BTG2: variants seen among roughly 807,000 people sequenced by gnomAD.
BTG2 encodes the protein BTG anti-proliferation factor 2.
In BTG2, 9 loss-of-function variants were observed where a neutral mutation model predicts 13.1. The ratio of observed to expected loss-of-function variants is 0.69; its 90% CI spans 0.41 to 1.20. BTG2 has a LOEUF of 1.20. Ranked by LOEUF, BTG2 falls within the 50% of genes most tolerant of loss-of-function variation. The pLI is 0.00. For missense variants in BTG2, 200 were observed against 209.5 expected (o/e 0.95, Z 0.28); for synonymous variants, 92 against 88.6 (o/e 1.04, Z -0.21).
At chr1:203,305,975 A>C in intron 1 of BTG2, among the ~76,000 whole-genome samples, 1 of 150,290 alleles carries the variant, frequency 6.7e-6, no homozygotes, top group South Asian at 2.1e-4. Context: ...GCGCCCCTCT[A>C]CGCTCTCGGA....
In BTG2 at chr1:203,305,762, G is replaced by T; in HGVS notation, c.142+14G>T. On this transcript the variant is annotated intron_variant, in intron 1 of 1. Coordinates refer to ENST00000290551, the MANE Select transcript of BTG2 (RefSeq NM_006763.3). ...AGGCACTCACAGGTGAGCGCATGCC[G>T]AGGGGCCTGGCGCCACCGGGGGTCG... 6.5e-7 allele frequency: 1 copy of T among 1,541,324 alleles called. No homozygotes were observed. The highest frequency in any genetic ancestry group is 1.4e-5 in the African/African-American group (1 of 72,502).
chr1:203,306,277 A>G (rs1658270073), intron 1 of BTG2, among the ~76,000 whole-genome samples: 1 of 151,878 alleles, frequency 6.6e-6, no homozygotes, highest in African/African-American at 2.4e-5. Context: ...CCTTTGTGTT[A>G]TCTTTGGTTC....
Position 203,307,321 on chromosome 1 carries a change from C to A in BTG2, c.360C>A (p.Cys120Ter), listed in dbSNP as rs139728405. 4 of 1,613,996 alleles carry A rather than the reference C, an allele frequency of 2.5e-6. No homozygotes were observed. The African/African-American group carries it at 5.3e-5, about 22-fold the overall frequency. ...GCATTGGGGAGGACGGCTCCATCTG[C>A]GTCTTGTACGAGGAGGCCCCACTGG... The part of the protein sequence containing the change: ...SYRIGEDGSI[C>*]VLYEEAPLAA... The change falls in exon 2 of 2, where the codon TGC becomes TGA. Residue 120 changes from cysteine to a stop codon, truncating the protein, a stop_gained. Coordinates refer to ENST00000290551, the MANE Select transcript of BTG2 (RefSeq NM_006763.3). LOFTEE classifies it high-confidence loss of function.
intron 1 of BTG2, among the ~76,000 whole-genome samples, chr1:203,306,304 A>T (rs1390709967): frequency 1.3e-5 from 2 of 151,840 alleles, no homozygotes; most frequent in Non-Finnish European, 2.9e-5. Flanking sequence ...GCCATCTGCC[A>T]CCTATTGTGG....
chr1:203,307,259 C>G lies in BTG2; in HGVS notation c.298C>G (p.Leu100Val), dbSNP rs1270165297. The change falls in exon 2 of 2, where the codon CTG becomes GTG. Residue 100 changes from leucine (L) to valine (V), a missense_variant. Leu to Val is a conservative substitution (Grantham distance 32). Coordinates refer to ENST00000290551, the MANE Select transcript of BTG2 (RefSeq NM_006763.3). ...GCTGCACCAGCTGCTGCCCAGCGAG[C>G]TGACCCTGTGGGTGGACCCCTATGA... Reference protein sequence around the residue: ...PQLHQLLPSELTLWVDPYEVS... With the variant: ...PQLHQLLPSEVTLWVDPYEVS... 1 of 1,614,236 alleles carries G rather than the reference C, an allele frequency of 6.2e-7. No homozygotes were observed. The highest frequency in any genetic ancestry group is 1.1e-5 in the South Asian group (1 of 91,092).
chr1:203,305,674 T>G lies in BTG2; in HGVS notation c.68T>G (p.Leu23Arg). The G allele has an allele frequency of 6.4e-7, 1 of 1,570,580 alleles. No individual in the cohort carries two copies. The highest frequency in any genetic ancestry group is 8.6e-7 in the Non-Finnish European group (1 of 1,158,112). Residue 23 changes from leucine (L) to arginine (R), a missense_variant, in exon 1 of 2, where the codon CTC becomes CGC. Physicochemically the swap from Leu to Arg is moderately radical, Grantham distance 102 (BLOSUM62 -2). Coordinates refer to ENST00000290551, the MANE Select transcript of BTG2 (RefSeq NM_006763.3). ...IAAAVGFLSS[L>R]LRTRGCVSEQ... ...GCCGCCGTGGGCTTCCTCTCCAGCC[T>G]CCTGAGGACCCGGGGCTGCGTGAGC... is the stretch of plus-strand genomic sequence containing the variant.
At chr1:203,305,828 G>T (rs528334481) in intron 1 of BTG2, 80 bp downstream of exon 1, 4 of 1,488,916 alleles carry the variant, frequency 2.7e-6, no homozygotes, top group African/African-American at 2.9e-5. Context: ...TACTCCTGCG[G>T]CAGGGTGACC....
At chr1:203,307,052 C>A in intron 1 of BTG2, 52 bp from the exon 2 acceptor site, 1 of 1,523,994 alleles carries the variant, frequency 6.6e-7, no homozygotes, top group South Asian at 1.2e-5. Flanking sequence ...TGGTAGTATC[C>A]ATGGCCTAGC....
In BTG2 at chr1:203,307,083, C is replaced by T. The variant is rs765693418; in HGVS notation, c.143-21C>T. ...CTAGCTGCTCTAACCAGGGCATCTG[C>T]CCCTGGTCCTGTCTCCACAGAGCAC... On this transcript the variant is annotated intron_variant, in intron 1 of 1. Transcript: ENST00000290551. The T allele has an allele frequency of 1.2e-5, 19 of 1,601,824 alleles. No homozygotes were observed. The Admixed American group carries it at 1.8e-4, about 16-fold the overall frequency.
In BTG2 at chr1:203,308,626, T is replaced by A. The variant is rs1658326366; in HGVS notation, c.*1188T>A. On this transcript the variant is annotated 3_prime_UTR_variant, in exon 2 of 2. Transcript: ENST00000290551. ...GGGATGATGGCTGGCTAGTCAGCCT[T>A]GCATGTATTCCTTGGCTGAATGGGA... 6.6e-6 allele frequency: 1 copy of A among 152,628 alleles called. No homozygotes were observed. The highest frequency in any genetic ancestry group is 1.5e-5 in the Non-Finnish European group (1 of 68,042). The allele number at this position is 152,628 out of a possible 1,614,324, so 9.5% of individuals were successfully genotyped here.
In BTG2 at chr1:203,308,222, AT is replaced by A. The variant is rs1359232067; in HGVS notation, c.*787del. The A allele has an allele frequency of 6.6e-6, 1 of 152,564 alleles. No homozygotes were observed. The highest frequency in any genetic ancestry group is 1.9e-4 in the East Asian group (1 of 5,194). 9.5% of individuals were successfully genotyped at this position (152,564 alleles called of 1,614,324 possible). ...GCTTTGTGTGTATGTGTGGCAAATA[AT>A]TTGGGGGTGATTTGCAATGAAATTT... On this transcript the variant is annotated 3_prime_UTR_variant, in exon 2 of 2. Transcript: ENST00000290551.
At position 203,305,536 on chromosome 1, in the gene BTG2, C is replaced by A. The variant is rs1377090070; in HGVS notation, c.-71C>A. Reference sequence around the variant, plus strand: ...GTCCGGGCAGAGCCCGAGCAGCGGCCAGGGTAACGCTGTCTTGTGGACCCG... The same window carrying A: ...GTCCGGGCAGAGCCCGAGCAGCGGCAAGGGTAACGCTGTCTTGTGGACCCG... On this transcript the variant is annotated 5_prime_UTR_variant, in exon 1 of 2. Coordinates refer to ENST00000290551, the MANE Select transcript of BTG2 (RefSeq NM_006763.3). The A allele has an allele frequency of 6.6e-6, 10 of 1,509,678 alleles. No individual in the cohort carries two copies. Among genetic ancestry groups the A allele is most frequent in the Non-Finnish European group, 8.9e-6 (10 of 1,125,104 alleles). The allele number at this position is 1,509,678 out of a possible 1,614,324, so 93.5% of individuals were successfully genotyped here.
chr1:203,306,318 G>A (rs1658272064), intron 1 of BTG2, among the ~76,000 whole-genome samples: 1 of 152,072 alleles, frequency 6.6e-6, no homozygotes, highest in Admixed American at 6.5e-5. Context: ...ATTGTGGTAG[G>A]GAGGAGAGCC....
intron 1 of BTG2, among the ~76,000 whole-genome samples, chr1:203,306,862 A>T (rs955693198): frequency 6.2e-5 from 6 of 97,070 alleles, no homozygotes; most frequent in African/African-American, 4.0e-4. Flanking sequence ...ACACACACAC[A>T]CACACACACA....
In BTG2 at chr1:203,305,547, T is replaced by A. The variant is rs1324348076; in HGVS notation, c.-60T>A. 1.7e-5 allele frequency: 26 copies of A among 1,550,722 alleles called. No individual in the cohort carries two copies. The South Asian group carries it at 3.0e-4, about 18-fold the overall frequency. On this transcript the variant is annotated 5_prime_UTR_variant, in exon 1 of 2. Coordinates refer to ENST00000290551, the MANE Select transcript of BTG2 (RefSeq NM_006763.3). ...GCCCGAGCAGCGGCCAGGGTAACGC[T>A]GTCTTGTGGACCCGCACTTCCCACC...
At chr1:203,305,801 C>G in intron 1 of BTG2, 53 bp downstream of exon 1, 1 of 1,518,286 alleles carries the variant, frequency 6.6e-7, no homozygotes, top group Admixed American at 2.3e-5. Flanking sequence ...CCATCCCTGC[C>G]AGGGCCGTCT....
Position 203,309,184 on chromosome 1 carries a change from C to T in BTG2, c.*1746C>T, listed in dbSNP as rs1658337021. Reference sequence around the variant, plus strand: ...CCACATTTTGTATTGCCTTCCCAGACCTGCTTCCAGTCTTTATTGCTTTAA... The same window carrying T: ...CCACATTTTGTATTGCCTTCCCAGATCTGCTTCCAGTCTTTATTGCTTTAA... On this transcript the variant is annotated 3_prime_UTR_variant, in exon 2 of 2. Transcript: ENST00000290551. 6.5e-6 allele frequency: 1 copy of T among 152,704 alleles called. No homozygotes were observed. Among genetic ancestry groups the T allele is most frequent in the Admixed American group, 6.5e-5 (1 of 15,290 alleles). The allele number at this position is 152,704 out of a possible 1,614,324, so 9.5% of individuals were successfully genotyped here.
rs10920608 is a variant in BTG2 at position 203,306,800 on chromosome 1, G to C, written c.143-304G>C. On this transcript the variant is annotated intron_variant, in intron 1 of 1. Transcript: ENST00000290551. ...GAGCTCTAGAATCCCCTCCCAACAC[G>C]CACACACACACACACACACACTCTC... is the stretch of plus-strand genomic sequence containing the variant. 2.6e-3 allele frequency among the ~76,000 whole-genome samples: 366 copies of C among 142,878 alleles called. 5 individuals carry two copies. Among genetic ancestry groups the C allele is most frequent in the African/African-American group, 7.8e-3 (283 of 36,456 alleles). The allele number at this position is 142,878 out of a possible 152,430, so 93.7% of individuals were successfully genotyped here.
chr1:203,307,225 C>G lies in BTG2; in HGVS notation c.264C>G (p.Ser88Arg). The G allele has an allele frequency of 6.2e-7, 1 of 1,614,236 alleles. No homozygotes were observed. Among genetic ancestry groups the G allele is most frequent in the Non-Finnish European group, 8.5e-7 (1 of 1,180,046 alleles). The change falls in exon 2 of 2, where the codon AGC becomes AGG. Residue 88 changes from serine to arginine, a missense_variant. Transcript: ENST00000290551. ...GGGTGGCCAGCCAGATCGGACTCAG[C>G]CAGCCCCAGCTGCACCAGCTGCTGC... is the stretch of plus-strand genomic sequence containing the variant. The part of the protein sequence containing the change: ...ISRVASQIGL[S>R]QPQLHQLLPS...
Sources: gnomAD v4.1 joint callset for allele counts (sites outside exome capture counted in the v4.1 genomes callset) on GRCh38, gnomAD v4.1.1 for gene constraint, MANE v1.5 for transcripts, NCBI Gene and HGNC (gene_info 2026-07-23, HGNC 2026-07-21) for gene names.